VASH2: variants seen among roughly 807,000 people sequenced by gnomAD.
The protein encoded by VASH2 is tubulinyl-Tyr carboxypeptidase 2.
A neutral mutation model predicts 37.2 loss-of-function variants in VASH2; 28 were observed. That is an observed-to-expected ratio of 0.75 (90% CI 0.56 to 1.03). The LOEUF is 1.03. VASH2 is among the 50% of genes least tolerant of loss of function. The probability of loss-of-function intolerance (pLI) is 0.00; values close to 1 mark genes in which losing one functional copy is unlikely to be tolerated. For synonymous variants in VASH2, 188 were observed against 174.7 expected, an observed-to-expected ratio of 1.08 and a Z score of -0.60; for missense variants, 419 against 459.1, an observed-to-expected ratio of 0.91 and a Z score of 0.80.
At chr1:212,983,807 CCTT>C (rs1225096670) in intron 7 of VASH2, among the ~76,000 whole-genome samples, 6 of 152,104 alleles carry the variant, frequency 3.9e-5, no homozygotes, top group African/African-American at 1.2e-4. Flanking sequence ...GCCATGGTGT[CCTT>C]CTCAGATGCT....
At chr1:212,967,379 C>T in intron 5 of VASH2, 1 of 1,202,754 alleles carries the variant, frequency 8.3e-7, no homozygotes, top group Admixed American at 3.2e-5. Flanking sequence ...TGATCTGCCA[C>T]AATCAGATAG....
At chr1:212,982,013 A>G (rs555825701) in intron 7 of VASH2, among the ~76,000 whole-genome samples, 1 of 152,200 alleles carries the variant, frequency 6.6e-6, no homozygotes, top group Non-Finnish European at 1.5e-5. Context: ...AAGTTGAGAT[A>G]GCAGTGGCAG....
rs1440872212 is a variant in VASH2, at chr1:212,971,580, C to T, written c.498-1000C>T. Among the ~76,000 whole-genome samples the T allele has an allele frequency of 6.6e-6, 1 of 152,154 alleles. No individual in the cohort carries two copies. The highest frequency in any genetic ancestry group is 1.5e-5 in the Non-Finnish European group (1 of 68,024). ...GCCCCAGAAAGCAGCTAGGAATTTA[C>T]GTAAGAGGACTCAGAAGGATGTGAT... On this transcript the variant is annotated intron_variant, in intron 5 of 7. Coordinates refer to ENST00000517399, the MANE Select transcript of VASH2 (RefSeq NM_001301056.2). This position sits in a 1 kb window ranked among gnomAD's most constrained non-coding sequence, Gnocchi z 4.0.
At chr1:212,975,052 G>A (rs1284716487) in intron 7 of VASH2, 1 of 152,232 alleles carries the variant, frequency 6.6e-6, no homozygotes, top group Non-Finnish European at 1.5e-5. Context: ...CCTGTACAGT[G>A]AGCAGGGAAC....
chr1:212,990,519 A>G lies in VASH2; in HGVS notation c.*1935A>G, dbSNP rs369235842. ...ACATCTAATAAGTAGACCTCTTATA[A>G]CACTGCAACCATTCTAAGAGTTGGA... On this transcript the variant is annotated 3_prime_UTR_variant, in exon 8 of 8. Coordinates refer to ENST00000517399, the MANE Select transcript of VASH2 (RefSeq NM_001301056.2). 6.6e-6 allele frequency: 1 copy of G among 152,356 alleles called. No individual in the cohort carries two copies. The highest frequency in any genetic ancestry group is 1.9e-4 in the East Asian group (1 of 5,192). 9.4% of individuals were successfully genotyped at this position (152,356 alleles called of 1,614,324 possible).
At chr1:212,955,120 C>G (rs1666444032) in intron 2 of VASH2, among the ~76,000 whole-genome samples, 2 of 152,282 alleles carry the variant, frequency 1.3e-5, no homozygotes, top group African/African-American at 4.8e-5. Flanking sequence ...GGAATTTGTA[C>G]AGAAGAAGGG....
chr1:212,965,462 C>G (rs1045135184), intron 3 of VASH2, among the ~76,000 whole-genome samples: 2 of 152,176 alleles, frequency 1.3e-5, no homozygotes, highest in South Asian at 4.1e-4. Context: ...GACAAATAGT[C>G]AACTACCCGG....
chr1:212,968,423 G>T lies in VASH2; in HGVS notation c.497+2078G>T, dbSNP rs555975757. 1.5e-5 allele frequency: 15 copies of T among 985,508 alleles called. No homozygotes were observed. The Admixed American group carries it at 8.6e-4, about 56-fold the overall frequency. The allele number at this position is 985,508 out of a possible 1,614,324, so 61.0% of individuals were successfully genotyped here. A position where few individuals can be genotyped will look rare whatever the true frequency, so the allele number is the denominator to read the frequency against. ...GAATTAGACTGGGGACAGGAGGATTGGTCTAGTCTGTTTTCTGGGTCTCCT... is the reference window on the plus strand; with the variant it reads ...GAATTAGACTGGGGACAGGAGGATTTGTCTAGTCTGTTTTCTGGGTCTCCT... On this transcript the variant is annotated intron_variant, in intron 5 of 7. Coordinates refer to ENST00000517399, the MANE Select transcript of VASH2 (RefSeq NM_001301056.2).
chr1:212,974,205 C>T (rs1667107921), intron 7 of VASH2, 135 bp downstream of exon 7: 2 of 1,146,842 alleles, frequency 1.7e-6, no homozygotes, highest in Admixed American at 6.0e-5. Flanking sequence ...GACTGCCCCT[C>T]ATTCAGGGGA....
At position 212,951,777 on chromosome 1, in the gene VASH2, G is replaced by A. The variant is rs1666317618; in HGVS notation, c.235G>A (p.Glu79Lys). The A allele has an allele frequency of 1.2e-6, 2 of 1,608,616 alleles. No individual in the cohort carries two copies. The highest frequency in any genetic ancestry group is 2.2e-5 in the South Asian group (2 of 89,272). ...HVAKVHPKGGEMVGAIRNAAF... is the reference protein window; with the variant it reads ...HVAKVHPKGGKMVGAIRNAAF... ...GGCCAAGGTGCACCCTAAGGGGGGA[G>A]AAATGGTGGGCGCCATCAGGAACGC... The change falls in exon 2 of 8, where the codon GAA (glutamate) becomes AAA (lysine). Residue 79 changes from glutamate (E) to lysine (K), a missense_variant. Physicochemically the swap from Glu to Lys is moderately conservative, Grantham distance 56. Around this residue, in one of 3 missense-constraint regions of VASH2, gnomAD observed 158 missense variants for 163.0 expected, o/e 0.97. Coordinates refer to ENST00000517399, the MANE Select transcript of VASH2 (RefSeq NM_001301056.2). This position sits in a 1 kb window ranked among gnomAD's most constrained non-coding sequence, Gnocchi z 4.4.
rs1666288886 is a variant in VASH2, at chr1:212,951,063, TTTC to T, written c.-204-271_-204-269del. ...GTTCCTTCATGCTACACAAGCTGTC[TTTC>T]TTCTCCCCACATCTTGCGCTCCGCA... On this transcript the variant is annotated intron_variant, in intron 1 of 7. Transcript: ENST00000517399. This position sits in a 1 kb window ranked among gnomAD's most constrained non-coding sequence, Gnocchi z 4.4. The T allele has an allele frequency of 6.6e-6, 1 of 152,574 alleles. No homozygotes were observed. The highest frequency in any genetic ancestry group is 1.9e-4 in the East Asian group (1 of 5,176). 9.5% of individuals were successfully genotyped at this position (152,574 alleles called of 1,614,324 possible).
At chr1:212,970,359 T>C (rs2102641529) in intron 5 of VASH2, among the ~76,000 whole-genome samples, 1 of 152,268 alleles carries the variant, frequency 6.6e-6, no homozygotes, top group South Asian at 2.1e-4. Context: ...CTCTCTCTTG[T>C]CTCCTCCCCA....
intron 5 of VASH2, chr1:212,969,286 G>A (rs1558146858): frequency 1.3e-6 from 1 of 754,956 alleles, no homozygotes; most frequent in African/African-American, 1.9e-5. Context: ...TCTGCCTCCC[G>A]GGTTCACGCC....
At chr1:212,958,186 C>T (rs772744182) in intron 2 of VASH2, among the ~76,000 whole-genome samples, 1 of 152,124 alleles carries the variant, frequency 6.6e-6, no homozygotes, top group African/African-American at 2.4e-5. Flanking sequence ...GTTGGGAGCC[C>T]GAGGCGCTGG....
intron 2 of VASH2, among the ~76,000 whole-genome samples, chr1:212,954,676 C>T (rs941007896): frequency 5.3e-5 from 8 of 152,128 alleles, no homozygotes; most frequent in African/African-American, 1.7e-4. Context: ...CCTCGGCCTC[C>T]CAAAGTACCG....
At chr1:212,973,102 C>A in intron 6 of VASH2, 141 bp downstream of exon 6, 2 of 1,063,012 alleles carry the variant, frequency 1.9e-6, no homozygotes, top group South Asian at 1.6e-5. Flanking sequence ...CATACTACTG[C>A]AAAGAAAGCC....
In VASH2 at chr1:212,967,530, T is replaced by C. The variant is rs1052530599; in HGVS notation, c.497+1185T>C. On this transcript the variant is annotated intron_variant, in intron 5 of 7. Coordinates refer to ENST00000517399, the MANE Select transcript of VASH2 (RefSeq NM_001301056.2). ...TTGAGCGCTGTGCTGAGAAATGACTTTTTTCCAAAAGGCAATGGGCAACCC... is the reference window on the plus strand; with the variant it reads ...TTGAGCGCTGTGCTGAGAAATGACTCTTTTCCAAAAGGCAATGGGCAACCC... The C allele has an allele frequency of 5.0e-6, 5 of 990,750 alleles. No individual in the cohort carries two copies. The African/African-American group carries it at 6.7e-5, about 13-fold the overall frequency. The allele number at this position is 990,750 out of a possible 1,614,324, so 61.4% of individuals were successfully genotyped here. A position where few individuals can be genotyped will look rare whatever the true frequency, so the allele number is the denominator to read the frequency against.
In VASH2 at chr1:212,973,873, G is replaced by T. The variant is rs566162327; in HGVS notation, c.880-82G>T. 2.0e-6 allele frequency: 3 copies of T among 1,523,236 alleles called. No homozygotes were observed. In the South Asian group the frequency reaches 3.8e-5, roughly 19 times the overall value. The allele number at this position is 1,523,236 out of a possible 1,614,324, so 94.4% of individuals were successfully genotyped here. On this transcript the variant is annotated intron_variant, in intron 6 of 7. Transcript: ENST00000517399. ...CCATGGCATCATGATTGGGCTGGGG[G>T]GTGGAATGTGGTGCTAGAAGAAGAC...
rs886314196 is a variant in VASH2, at chr1:212,951,192, G to A, written c.-204-147G>A. The A allele has an allele frequency of 6.6e-6, 1 of 152,588 alleles. No homozygotes were observed. Among genetic ancestry groups the A allele is most frequent in the African/African-American group, 2.4e-5 (1 of 41,470 alleles). 9.5% of individuals were successfully genotyped at this position (152,588 alleles called of 1,614,324 possible). On this transcript the variant is annotated intron_variant, in intron 1 of 7. Coordinates refer to ENST00000517399, the MANE Select transcript of VASH2 (RefSeq NM_001301056.2). This position sits in a 1 kb window ranked among gnomAD's most constrained non-coding sequence, Gnocchi z 4.4. ...GAGCTGCCTTTCTAGGTAATCGCAG[G>A]GCTGGAAGCCCGTCATCGATTCTCA...
Sources: allele counts gnomAD v4.1 joint callset (sites outside exome capture counted in the v4.1 genomes callset), GRCh38; gene constraint gnomAD v4.1.1; regional missense constraint gnomAD v4.1.1; non-coding constraint Gnocchi (gnomAD v3.1); transcripts MANE v1.5; gene names NCBI Gene and HGNC (gene_info 2026-07-23, HGNC 2026-07-21).